SCIN: variants seen among roughly 807,000 people sequenced by gnomAD.
The protein encoded by SCIN is scinderin, also known as adseverin.
In SCIN, 91 loss-of-function variants were observed where a neutral mutation model predicts 91.8. That is an observed-to-expected ratio of 0.99 (90% confidence interval 0.84 to 1.18). The LOEUF (loss-of-function observed/expected upper bound fraction) is 1.18, where lower values mean the gene tolerates loss of function less well. SCIN is among the 50% of genes most tolerant of loss of function. SCIN has a pLI of 0.00. For synonymous variants in SCIN, 367 were observed against 312.6 expected (o/e 1.17, Z -1.84); for missense variants, 1,087 against 863.9 (o/e 1.26, Z -3.24).
chr7:12,625,213 T>G, intron 6 of SCIN, 71 bp downstream of exon 6: 1 of 1,314,874 alleles, frequency 7.6e-7, no homozygotes, highest in East Asian at 2.7e-5. Flanking sequence ...AAATAAAATA[T>G]ATTTTTTGAT....
At chr7:12,579,910 G>A (rs1421773527) in intron 2 of SCIN, among the ~76,000 whole-genome samples, 1 of 152,160 alleles carries the variant, frequency 6.6e-6, no homozygotes, top group East Asian at 1.9e-4. Context: ...GTGAAACTCT[G>A]TCTCAAAACA....
intron 4 of SCIN, among the ~76,000 whole-genome samples, chr7:12,614,642 A>G (rs1015283472): frequency 6.6e-6 from 1 of 152,190 alleles, no homozygotes; most frequent in Admixed American, 6.6e-5. Flanking sequence ...ACCCTCAGGC[A>G]TTAGCCCTCA....
rs553629467 is a variant in SCIN at position 12,608,136 on chromosome 7, C to T, written c.666+3473C>T. Among the ~76,000 whole-genome samples the T allele has an allele frequency of 1.6e-4, 24 of 152,272 alleles. No homozygotes were observed. The South Asian group carries it at 4.2e-3, about 26-fold the overall frequency. On this transcript the variant is annotated intron_variant, in intron 4 of 15. Transcript: ENST00000297029. ...GTATTTAATGAGTTAATGAAAAGCT[C>T]ATATATTACTTTACCAAACTTTAAA...
rs1167446298 is a variant in SCIN at position 12,608,674 on chromosome 7, T to G, written c.666+4011T>G. 3.9e-5 allele frequency among the ~76,000 whole-genome samples: 6 copies of G among 152,254 alleles called. No homozygotes were observed. In the East Asian group the frequency reaches 1.2e-3, roughly 29 times the overall value. ...TTGCATTTTTAGTAGAGACGGGGTT[T>G]CACTCTGTTGGCCAGGCTGGTCTCA... is the stretch of plus-strand genomic sequence containing the variant. On this transcript the variant is annotated intron_variant, in intron 4 of 15. Coordinates refer to ENST00000297029, the MANE Select transcript of SCIN (RefSeq NM_001112706.3).
In SCIN at chr7:12,651,753, C is replaced by A; in HGVS notation, c.1960-88C>A. On this transcript the variant is annotated intron_variant, in intron 14 of 15. Coordinates refer to ENST00000297029, the MANE Select transcript of SCIN (RefSeq NM_001112706.3). This position sits in a 1 kb window ranked among gnomAD's most constrained non-coding sequence, Gnocchi z 5.9. ...GCGGATATTGTGAAGATTGAATGAG[C>A]AATGTGTGTGTGAAGCACTTTACAT... 2.6e-6 allele frequency: 2 copies of A among 776,992 alleles called. No individual in the cohort carries two copies. The highest frequency in any genetic ancestry group is 4.3e-6 in the Non-Finnish European group (2 of 469,256). The allele number at this position is 776,992 out of a possible 1,614,324, so 48.1% of individuals were successfully genotyped here.
intron 3 of SCIN, among the ~76,000 whole-genome samples, chr7:12,602,869 A>G (rs1414329558): frequency 6.6e-6 from 1 of 152,216 alleles, no homozygotes; most frequent in Non-Finnish European, 1.5e-5. Context: ...TAACACAATT[A>G]TAGTGGTCCT....
At chr7:12,574,483 G>A (rs988919146) in intron 1 of SCIN, among the ~76,000 whole-genome samples, 1 of 152,074 alleles carries the variant, frequency 6.6e-6, no homozygotes, top group South Asian at 2.1e-4. Context: ...GCAGATGTAT[G>A]AATTTACACA....
rs1446828575 is a variant in SCIN at position 12,657,914 on chromosome 7, T to C, written c.*5199T>C. ...TTCAGTAGTCATATTTCCTGTTGCCTATAAAAAATTGATGCTTTAATTTAG... is the reference window on the plus strand; with the variant it reads ...TTCAGTAGTCATATTTCCTGTTGCCCATAAAAAATTGATGCTTTAATTTAG... On this transcript the variant is annotated 3_prime_UTR_variant, in exon 16 of 16. Transcript: ENST00000297029. 2 of 152,154 alleles carry C rather than the reference T, an allele frequency of 1.3e-5. No individual in the cohort carries two copies. Among genetic ancestry groups the C allele is most frequent in the Non-Finnish European group, 2.9e-5 (2 of 68,032 alleles). The allele number at this position is 152,154 out of a possible 1,614,324, so 9.4% of individuals were successfully genotyped here.
At position 12,629,139 on chromosome 7, in the gene SCIN, C is replaced by T; in HGVS notation, c.1236C>T (p.Asp412=). 3.1e-6 allele frequency: 5 copies of T among 1,613,134 alleles called. No homozygotes were observed. Among genetic ancestry groups the T allele is most frequent in the Non-Finnish European group, 4.2e-6 (5 of 1,179,388 alleles). ...AAAACAATGGTAGGATCCAAGTTGA[C>T]CAAAACTCATATGGTGAATTCTATG... The part of the protein sequence containing the change: ...RVENNGRIQV[D]QNSYGEFYGG... Residue 412 remains aspartate, a synonymous_variant, in exon 9 of 16, where the codon GAC becomes GAT. Coordinates refer to ENST00000297029, the MANE Select transcript of SCIN (RefSeq NM_001112706.3).
In SCIN at chr7:12,654,291, T is replaced by A. The variant is rs1392446555; in HGVS notation, c.*1576T>A. 1 of 152,204 alleles carries A rather than the reference T, an allele frequency of 6.6e-6. No individual in the cohort carries two copies. Among genetic ancestry groups the A allele is most frequent in the African/African-American group, 2.4e-5 (1 of 41,460 alleles). 9.4% of individuals were successfully genotyped at this position (152,204 alleles called of 1,614,324 possible). ...ATTTTCTTTTAATCATAGAATTCACTGATATTTTAGCAGATAATGTGGCCG... is the reference window on the plus strand; with the variant it reads ...ATTTTCTTTTAATCATAGAATTCACAGATATTTTAGCAGATAATGTGGCCG... On this transcript the variant is annotated 3_prime_UTR_variant, in exon 16 of 16. Coordinates refer to ENST00000297029, the MANE Select transcript of SCIN (RefSeq NM_001112706.3).
At chr7:12,625,687 T>G (rs1783505829) in intron 6 of SCIN, 75 bp from the exon 7 acceptor site, 1 of 1,037,824 alleles carries the variant, frequency 9.6e-7, no homozygotes, top group African/African-American at 1.6e-5. Context: ...TTTATTATGG[T>G]ACACAAGTAT....
At chr7:12,596,565 C>A in intron 3 of SCIN, 1 of 410,650 alleles carries the variant, frequency 2.4e-6, no homozygotes, top group Non-Finnish European at 4.9e-6. Context: ...CCCACTCATG[C>A]CTGCGTAACT....
chr7:12,599,370 A>ACT (rs1554292554), intron 3 of SCIN, among the ~76,000 whole-genome samples: 3 of 149,234 alleles, frequency 2.0e-5, no homozygotes, highest in Non-Finnish European at 3.0e-5. Context: ...TTTCATGGTG[A>ACT]GTGTGTGTGT....
intron 9 of SCIN, among the ~76,000 whole-genome samples, chr7:12,632,634 A>C (rs1478982593): frequency 6.6e-6 from 1 of 152,174 alleles, no homozygotes; most frequent in East Asian, 1.9e-4. Flanking sequence ...AAAAACTGTT[A>C]ATGGGGAATG....
intron 3 of SCIN, among the ~76,000 whole-genome samples, chr7:12,586,929 T>C (rs551284865): frequency 6.6e-6 from 1 of 151,782 alleles, no homozygotes; most frequent in South Asian, 2.1e-4. Flanking sequence ...TTGGGAAGGG[T>C]AGGGGGAGGG....
intron 1 of SCIN, among the ~76,000 whole-genome samples, chr7:12,572,125 G>A (rs1351549918): frequency 6.6e-6 from 1 of 152,162 alleles, no homozygotes; most frequent in African/African-American, 2.4e-5. Context: ...AAAACATTGA[G>A]TAGTGACTGT....
intron 1 of SCIN, 144 bp downstream of exon 1, chr7:12,571,129 C>T (rs1010682110): frequency 9.9e-6 from 9 of 912,390 alleles, no homozygotes; most frequent in African/African-American, 1.7e-5. Flanking sequence ...CCCTTTGGGG[C>T]CGGCCACTTT....
intron 4 of SCIN, among the ~76,000 whole-genome samples, chr7:12,608,722 C>T (rs930965031): frequency 9.2e-5 from 14 of 152,102 alleles, no homozygotes; most frequent in African/African-American, 1.2e-4. Context: ...TGTGATCCGC[C>T]GGCCTTGGCC....
At chr7:12,635,930 A>T (rs1562628986) in intron 9 of SCIN, 115 bp from the exon 10 acceptor site, 3 of 754,474 alleles carry the variant, frequency 4.0e-6, no homozygotes, top group Non-Finnish European at 4.5e-6. Flanking sequence ...TATCATGTTA[A>T]AACAGTTCGC....
Sources: gnomAD v4.1 joint callset for allele counts (sites outside exome capture counted in the v4.1 genomes callset) on GRCh38, gnomAD v4.1.1 for gene constraint, Gnocchi (gnomAD v3.1) non-coding constraint, MANE v1.5 for transcripts, NCBI Gene and HGNC (gene_info 2026-07-23, HGNC 2026-07-21) for gene names.